BRWD3: variants seen among roughly 807,000 people sequenced by gnomAD.
BRWD3 encodes bromodomain and WD repeat domain containing 3, also known as bromodomain and WD repeat-containing protein 3.
BRWD3 carries 10 observed loss-of-function variants against 149.7 expected under a neutral mutation model. The ratio of observed to expected loss-of-function variants is 0.07; its 90% CI spans 0.04 to 0.11. BRWD3 has a LOEUF of 0.11. BRWD3 is among the 10% of genes least tolerant of loss of function. BRWD3 has a pLI of 1.00. For synonymous variants in BRWD3, 504 were observed against 456.7 expected (o/e 1.10, Z -1.32); for missense variants, 940 against 1,373.2 (o/e 0.68, Z 4.99).
Position 80,695,957 on chromosome X carries a change from A to G in BRWD3, c.3102T>C (p.Leu1034=). ...YHDMPDVIDF[L]VLHQFYNEAK... is the part of the protein sequence containing the mutation. ...CTTCATTATAAAACTGATGTAGCAC[A>G]AGGAAGTCAATGACATCCGGCATGT... is the stretch of plus-strand genomic sequence containing the variant. The change falls in exon 27 of 41, where the codon CTT becomes CTC. Residue 1034 remains leucine, a synonymous_variant. Transcript: ENST00000373275. The G allele has an allele frequency of 8.3e-7, 1 of 1,210,595 alleles. No homozygotes were observed. The highest frequency in any genetic ancestry group is 1.7e-5 in the African/African-American group (1 of 57,868).
intron 33 of BRWD3, among the ~76,000 whole-genome samples, chrX:80,689,211 A>AGCCTCC (rs2072578201): frequency 9.0e-6 from 1 of 111,217 alleles, no homozygotes; most frequent in East Asian, 2.8e-4. Flanking sequence ...CCTCCAGTCA[A>AGCCTCC]ATACGGCTTT....
At chrX:80,755,837 C>A (rs2073730438) in intron 6 of BRWD3, among the ~76,000 whole-genome samples, 1 of 111,340 alleles carries the variant, frequency 9.0e-6, no homozygotes, top group Non-Finnish European at 1.9e-5. Context: ...TTAGGGGTTA[C>A]ACAGCAAAAA....
chrX:80,809,691 G>C lies in BRWD3; in HGVS notation c.-220C>G, dbSNP rs2147877640. 3 of 405,999 alleles carry C rather than the reference G, an allele frequency of 7.4e-6. No individual in the cohort carries two copies. The East Asian group carries it at 1.2e-4, about 16-fold the overall frequency. 33.5% of individuals were successfully genotyped at this position (405,999 alleles called of 1,213,427 possible). On this transcript the variant is annotated 5_prime_UTR_variant, in exon 1 of 41. Transcript: ENST00000373275. The stretch of plus-strand genomic sequence containing the variant: ...AGGAGGCGGAGGAGGAAGGAGAGGA[G>C]AGGGAGAGGGAGAGAGAGAGTGAGT...
intron 4 of BRWD3, among the ~76,000 whole-genome samples, chrX:80,795,418 T>A (rs1364149722): frequency 9.1e-6 from 1 of 109,849 alleles, no homozygotes; most frequent in African/African-American, 3.3e-5. Flanking sequence ...TTCAGTGGTA[T>A]ATACACATAT....
intron 6 of BRWD3, among the ~76,000 whole-genome samples, chrX:80,749,994 G>A (rs1307863774): frequency 8.9e-6 from 1 of 111,740 alleles, no homozygotes; most frequent in Non-Finnish European, 1.9e-5. Context: ...AATGGGGAAA[G>A]GACAGTTTCT....
intron 20 of BRWD3, among the ~76,000 whole-genome samples, chrX:80,714,172 G>C (rs1319713300): frequency 9.2e-6 from 1 of 108,717 alleles, no homozygotes; most frequent in Non-Finnish European, 1.9e-5. Context: ...TTGCTACCTG[G>C]AGGCTTCATC....
At chrX:80,686,228 A>AC (rs1181299306) in intron 35 of BRWD3, among the ~76,000 whole-genome samples, 1 of 93,785 alleles carries the variant, frequency 1.1e-5, no homozygotes, top group Non-Finnish European at 2.1e-5. Context: ...GAACACTTGA[A>AC]CACAGGAAGG....
chrX:80,802,488 G>A (rs1348931853), intron 4 of BRWD3, among the ~76,000 whole-genome samples: 1 of 105,156 alleles, frequency 9.5e-6, no homozygotes, highest in African/African-American at 3.5e-5. Context: ...AAGAAAATTA[G>A]GGGATGATAT....
At chrX:80,690,200 G>A in intron 31 of BRWD3, 108 bp from the exon 32 acceptor site, 1 of 777,911 alleles carries the variant, frequency 1.3e-6, no homozygotes, top group Non-Finnish European at 1.9e-6. Flanking sequence ...TGTCAAAGGT[G>A]TTCCAATATG....
At chrX:80,790,282 T>C (rs2147853026) in intron 6 of BRWD3, among the ~76,000 whole-genome samples, 1 of 108,749 alleles carries the variant, frequency 9.2e-6, no homozygotes, top group Admixed American at 1.0e-4. Context: ...GGTTTGAAAG[T>C]AGCTATAGAG....
At position 80,670,959 on chromosome X, in the gene BRWD3, G is replaced by C. The variant is rs757428994; in HGVS notation, c.*5650C>G. 1 of 110,856 alleles carries C rather than the reference G, an allele frequency of 9.0e-6. No individual in the cohort carries two copies. The highest frequency in any genetic ancestry group is 2.8e-4 in the East Asian group (1 of 3,541). 9.1% of individuals were successfully genotyped at this position (110,856 alleles called of 1,213,427 possible). On this transcript the variant is annotated 3_prime_UTR_variant, in exon 41 of 41. Transcript: ENST00000373275. ...GGCCAGCTTATTTATCTTGAACCTA[G>C]TGGAATGTTTGCCACTGGGAGACAA...
intron 40 of BRWD3, among the ~76,000 whole-genome samples, chrX:80,677,778 C>T (rs1281997409): frequency 1.8e-5 from 2 of 111,230 alleles, no homozygotes; most frequent in Non-Finnish European, 3.8e-5. Context: ...AGTGGGAATA[C>T]CTTGAAAGAT....
chrX:80,791,587 G>A (rs1203549872), intron 6 of BRWD3, among the ~76,000 whole-genome samples: 1 of 111,587 alleles, frequency 9.0e-6, no homozygotes, highest in Non-Finnish European at 1.9e-5. Context: ...GGCTAAAAAC[G>A]TCTATACTAT....
Position 80,746,637 on chromosome X carries a change from A to G in BRWD3, c.431-908T>C, listed in dbSNP as rs148787836. Among the ~76,000 whole-genome samples the G allele has an allele frequency of 4.1e-4, 46 of 111,528 alleles. 1 individual carries two copies. In the East Asian group the frequency reaches 5.9e-3, roughly 14 times the overall value. On this transcript the variant is annotated intron_variant, in intron 6 of 40. Coordinates refer to ENST00000373275, the MANE Select transcript of BRWD3 (RefSeq NM_153252.5). ...ATTTTAATCAAAACATAGGCTCCCT[A>G]TAACTTCAAAGGTCACCTTGAGGCA... is the stretch of plus-strand genomic sequence containing the variant.
Position 80,670,583 on chromosome X carries a change from T to TAA in BRWD3, c.*6024_*6025dup, listed in dbSNP as rs201004001. 9.3e-6 allele frequency among the ~76,000 whole-genome samples: 1 copy of TAA among 107,236 alleles called. No homozygotes were observed. The highest frequency in any genetic ancestry group is 1.9e-5 in the Non-Finnish European group (1 of 51,708). The allele number at this position is 107,236 out of a possible 115,157, so 93.1% of individuals were successfully genotyped here. On this transcript the variant is annotated 3_prime_UTR_variant, in exon 41 of 41. Transcript: ENST00000373275. The stretch of plus-strand genomic sequence containing the variant: ...GCACACACAACCATGCCCAGCTAAT[T>TAA]AAAAAAAAAATTGTTTTGTAGATAC...
intron 20 of BRWD3, among the ~76,000 whole-genome samples, chrX:80,712,838 G>A (rs1244898157): frequency 6.6e-5 from 7 of 105,335 alleles, no homozygotes; most frequent in Admixed American, 5.0e-4. Flanking sequence ...CTGCCCAGCC[G>A]CCCCGTCTGA....
At chrX:80,715,200 T>C (rs973445533) in intron 20 of BRWD3, among the ~76,000 whole-genome samples, 2 of 105,765 alleles carry the variant, frequency 1.9e-5, no homozygotes, top group African/African-American at 7.4e-5. Context: ...TTCTGAGTCA[T>C]TCAAAATCTC....
Position 80,744,072 on chromosome X carries a change from G to A in BRWD3, c.773C>T (p.Ala258Val). 8.3e-7 allele frequency: 1 copy of A among 1,211,191 alleles called. No individual in the cohort carries two copies. The change falls in exon 8 of 41, where the codon GCA becomes GTA. Residue 258 changes from alanine to valine, a missense_variant. Ala to Val is a moderately conservative substitution (Grantham distance 64). Coordinates refer to ENST00000373275, the MANE Select transcript of BRWD3 (RefSeq NM_153252.5). ...VWCLRTCAPV[A>V]VLQGHSASIT... Reference sequence around the variant, plus strand: ...AGAAGCTGAATGGCCCTGAAGGACTGCAACGGGTGCACAAGTTCGAAGACA... The same window carrying A: ...AGAAGCTGAATGGCCCTGAAGGACTACAACGGGTGCACAAGTTCGAAGACA...
intron 16 of BRWD3, among the ~76,000 whole-genome samples, chrX:80,723,050 A>C (rs1253335036): frequency 1.8e-5 from 2 of 111,788 alleles, no homozygotes; most frequent in African/African-American, 3.2e-5. Flanking sequence ...AACTAAAGCA[A>C]CAACCCAGTA....
Sources: allele counts gnomAD v4.1 joint callset (sites outside exome capture counted in the v4.1 genomes callset), GRCh38; gene constraint gnomAD v4.1.1; transcripts MANE v1.5; gene names NCBI Gene and HGNC (gene_info 2026-07-23, HGNC 2026-07-21).